Variants in TRABD2B observed in about 807,000 individuals in gnomAD.
TRABD2B encodes metalloprotease TIKI2.
A neutral mutation model predicts 40.1 loss-of-function variants in TRABD2B; 14 were observed. That is an observed-to-expected ratio of 0.35 (90% CI 0.23 to 0.55). The LOEUF (loss-of-function observed/expected upper bound fraction) is 0.55. Among genes scored for constraint, TRABD2B ranks in the 20% least tolerant of loss-of-function variants. The pLI, the probability that TRABD2B is intolerant of heterozygous loss-of-function variation, is 0.90. For synonymous variants in TRABD2B, 263 were observed against 277.0 expected (o/e 0.95, Z 0.50); for missense variants, 541 against 648.6 (o/e 0.83, Z 1.80).
chr1:47,964,518 C>T (rs1376581958), intron 2 of TRABD2B, among the ~76,000 whole-genome samples: 1 of 152,180 alleles, frequency 6.6e-6, no homozygotes, highest in Non-Finnish European at 1.5e-5. Flanking sequence ...AACCAAACCA[C>T]ATCCCTGTCC....
chr1:47,958,263 T>C (rs1219679848), intron 2 of TRABD2B, among the ~76,000 whole-genome samples: 2 of 142,676 alleles, frequency 1.4e-5, no homozygotes, highest in Admixed American at 7.2e-5. Context: ...ACATGCCAAA[T>C]TGTAAAGACC....
chr1:47,911,591 G>A (rs1167093586), intron 2 of TRABD2B, among the ~76,000 whole-genome samples: 1 of 152,210 alleles, frequency 6.6e-6, no homozygotes, highest in African/African-American at 2.4e-5. Context: ...TCATGTGGAC[G>A]GGTCCCTGGA....
chr1:47,914,782 G>A (rs1644808481), intron 2 of TRABD2B, among the ~76,000 whole-genome samples: 1 of 152,212 alleles, frequency 6.6e-6, no homozygotes, highest in Non-Finnish European at 1.5e-5. Flanking sequence ...TGGAGATGGA[G>A]TTATCCTTTC....
intron 2 of TRABD2B, among the ~76,000 whole-genome samples, chr1:47,846,272 T>C (rs77292238): frequency 0.011 from 1,630 of 152,334 alleles, 26 homozygotes; most frequent in African/African-American, 0.037. Context: ...CACCAACTTC[T>C]GAGGAATGGG....
At chr1:47,839,992 C>G (rs1645373869) in intron 2 of TRABD2B, among the ~76,000 whole-genome samples, 1 of 152,172 alleles carries the variant, frequency 6.6e-6, no homozygotes, top group Admixed American at 6.5e-5. Context: ...GTGTGGACAT[C>G]TCCCCTGTAA....
chr1:47,882,982 G>C (rs1644325707), intron 2 of TRABD2B, among the ~76,000 whole-genome samples: 1 of 152,092 alleles, frequency 6.6e-6, no homozygotes, highest in Non-Finnish European at 1.5e-5. Context: ...GCATAACCCT[G>C]GGCAAGTCAC....
At chr1:47,916,574 G>A (rs143735544) in intron 2 of TRABD2B, among the ~76,000 whole-genome samples, 13 of 152,334 alleles carry the variant, frequency 8.5e-5, no homozygotes, top group African/African-American at 3.1e-4. Flanking sequence ...TACAGGTGGA[G>A]GAAAGTAAGA....
intron 2 of TRABD2B, among the ~76,000 whole-genome samples, chr1:47,846,688 C>T (rs576550455): frequency 1.4e-4 from 21 of 152,210 alleles, no homozygotes; most frequent in Admixed American, 4.6e-4. Flanking sequence ...GTCCTGTAGA[C>T]GAAACATCTG....
chr1:47,944,091 C>T (rs969719000), intron 2 of TRABD2B, among the ~76,000 whole-genome samples: 5 of 152,152 alleles, frequency 3.3e-5, no homozygotes, highest in Non-Finnish European at 7.3e-5. Context: ...CTTGGCAAAG[C>T]CTTAAAGGAG....
At chr1:47,816,740 T>C (rs544986686) in intron 2 of TRABD2B, among the ~76,000 whole-genome samples, 14 of 152,316 alleles carry the variant, frequency 9.2e-5, no homozygotes, top group Admixed American at 3.3e-4. Flanking sequence ...TATATACTTA[T>C]GAGGTTAATC....
chr1:47,992,660 G>A (rs1026225075), intron 2 of TRABD2B, among the ~76,000 whole-genome samples: 5 of 152,308 alleles, frequency 3.3e-5, no homozygotes, highest in Admixed American at 2.0e-4. Flanking sequence ...ATCAGCTCCC[G>A]AGGCTGGCAA....
intron 2 of TRABD2B, among the ~76,000 whole-genome samples, chr1:47,846,057 G>A (rs913477510): frequency 1.3e-5 from 2 of 152,134 alleles, no homozygotes; most frequent in African/African-American, 4.8e-5. Flanking sequence ...CCAGGCTTAA[G>A]GACTTCCCAT....
chr1:47,845,277 C>G (rs1645453617), intron 2 of TRABD2B, among the ~76,000 whole-genome samples: 1 of 152,176 alleles, frequency 6.6e-6, no homozygotes, highest in African/African-American at 2.4e-5. Context: ...AGCTTGGTCT[C>G]AGGTCTAACC....
intron 2 of TRABD2B, among the ~76,000 whole-genome samples, chr1:47,821,499 C>T (rs1000897958): frequency 1.1e-4 from 17 of 152,166 alleles, no homozygotes; most frequent in African/African-American, 3.9e-4. Context: ...GGAAGGAACC[C>T]GATTGTTTCT....
chr1:47,918,713 TC>T (rs1271240799), intron 2 of TRABD2B, among the ~76,000 whole-genome samples: 1 of 152,012 alleles, frequency 6.6e-6, no homozygotes, highest in Non-Finnish European at 1.5e-5. Flanking sequence ...GACTCCAAGC[TC>T]TTCCTGCCCA....
intron 2 of TRABD2B, among the ~76,000 whole-genome samples, chr1:47,977,674 C>T (rs1427766346): frequency 2.3e-5 from 3 of 129,240 alleles, no homozygotes; most frequent in East Asian, 4.6e-4. Context: ...CAAGAATGGC[C>T]GGGATGAAAA....
intron 2 of TRABD2B, among the ~76,000 whole-genome samples, chr1:47,987,515 C>G (rs1420439637): frequency 2.0e-5 from 3 of 152,172 alleles, no homozygotes; most frequent in African/African-American, 4.8e-5. Context: ...ATTTTGGTCA[C>G]CTCCAGCTTT....
At chr1:47,769,510 G>T (rs896502363) in intron 6 of TRABD2B, among the ~76,000 whole-genome samples, 2 of 152,220 alleles carry the variant, frequency 1.3e-5, no homozygotes, top group Non-Finnish European at 2.9e-5. Flanking sequence ...CAGGACTGGT[G>T]GGTGGGGGGT....
intron 2 of TRABD2B, chr1:47,819,359 C>A (rs1041921786): frequency 1.3e-5 from 2 of 152,274 alleles, no homozygotes; most frequent in East Asian, 1.9e-4. Context: ...ACCAACACAT[C>A]GCTTTCCTGG....
Sources: allele counts gnomAD v4.1 joint callset (sites outside exome capture counted in the v4.1 genomes callset), GRCh38; gene constraint gnomAD v4.1.1; transcripts MANE v1.5; gene names NCBI Gene and HGNC (gene_info 2026-07-23, HGNC 2026-07-21).